Variants in CTIF observed in about 807,000 individuals in gnomAD.
The protein encoded by CTIF is CBP80/20-dependent translation initiation factor.
A neutral mutation model predicts 66.0 loss-of-function variants in CTIF; 21 were observed. The ratio of observed to expected loss-of-function variants is 0.32; its 90% CI spans 0.23 to 0.46. The LOEUF (loss-of-function observed/expected upper bound fraction) is 0.46, where lower values mean the gene tolerates loss of function less well. Ranked by LOEUF, CTIF falls within the 20% of genes least tolerant of loss-of-function variation. The probability of loss-of-function intolerance (pLI) is 1.00; values close to 1 mark genes in which losing one functional copy is unlikely to be tolerated. For missense variants in CTIF, 739 were observed against 812.7 expected, an observed-to-expected ratio of 0.91 and a Z score of 1.10; for synonymous variants, 345 against 326.4, an observed-to-expected ratio of 1.06 and a Z score of -0.62.
chr18:48,684,072 T>TA (rs2091793976), intron 6 of CTIF, among the ~76,000 whole-genome samples: 1 of 152,184 alleles, frequency 6.6e-6, no homozygotes, highest in Non-Finnish European at 1.5e-5. Flanking sequence ...TTGGAGCAAA[T>TA]GACCTCAGTA....
intron 7 of CTIF, among the ~76,000 whole-genome samples, chr18:48,747,062 T>A (rs181726992): frequency 2.9e-4 from 44 of 152,174 alleles, no homozygotes; most frequent in Admixed American, 2.0e-3. Context: ...TTATGTTGCT[T>A]TGTGGCTACC....
chr18:48,577,761 G>C (rs1340465640), intron 1 of CTIF, among the ~76,000 whole-genome samples: 8 of 152,168 alleles, frequency 5.3e-5, no homozygotes, highest in Admixed American at 5.2e-4. Flanking sequence ...TTTTTGTAGA[G>C]AAGGCATTTC....
chr18:48,710,459 T>C (rs1435904026), intron 6 of CTIF, among the ~76,000 whole-genome samples: 1 of 152,148 alleles, frequency 6.6e-6, no homozygotes, highest in Admixed American at 6.5e-5. Context: ...CAAGCCTTGG[T>C]ACCCCCTACT....
chr18:48,798,349 C>T (rs1156543106), intron 9 of CTIF, among the ~76,000 whole-genome samples: 1 of 152,204 alleles, frequency 6.6e-6, no homozygotes, highest in Non-Finnish European at 1.5e-5. Context: ...CTGTCAGTTC[C>T]AGAGCCCGGG....
chr18:48,623,491 C>G (rs1326776257), intron 2 of CTIF, among the ~76,000 whole-genome samples: 1 of 151,254 alleles, frequency 6.6e-6, no homozygotes, highest in African/African-American at 2.4e-5. Flanking sequence ...AAAAAATTCT[C>G]TATTAACACA....
At chr18:48,724,101 C>A (rs560302162) in intron 7 of CTIF, among the ~76,000 whole-genome samples, 1 of 152,324 alleles carries the variant, frequency 6.6e-6, no homozygotes, top group South Asian at 2.1e-4. Flanking sequence ...TGTCTCTAAG[C>A]ACCTGCAGGG....
intron 1 of CTIF, among the ~76,000 whole-genome samples, chr18:48,605,088 T>A (rs1342117507): frequency 6.6e-6 from 1 of 152,248 alleles, no homozygotes; most frequent in Non-Finnish European, 1.5e-5. Flanking sequence ...TAAAAACATT[T>A]GTGTGCAAGT....
intron 7 of CTIF, among the ~76,000 whole-genome samples, chr18:48,731,199 CCA>C (rs1459324996): frequency 6.6e-6 from 1 of 152,058 alleles, no homozygotes; most frequent in Non-Finnish European, 1.5e-5. Context: ...GGTTTAAAAC[CCA>C]CAAGGGAGGA....
At chr18:48,631,482 C>T (rs1347206444) in intron 2 of CTIF, among the ~76,000 whole-genome samples, 1 of 152,132 alleles carries the variant, frequency 6.6e-6, no homozygotes, top group Non-Finnish European at 1.5e-5. Context: ...GACAAACAAA[C>T]AATAAAACAC....
At chr18:48,827,085 G>A (rs2068596660) in intron 10 of CTIF, among the ~76,000 whole-genome samples, 1 of 152,114 alleles carries the variant, frequency 6.6e-6, no homozygotes, top group Admixed American at 6.5e-5. Flanking sequence ...TAAAGAGAGG[G>A]CCCGATGAGC....
At chr18:48,635,734 G>T (rs1350951068) in intron 2 of CTIF, among the ~76,000 whole-genome samples, 4 of 152,116 alleles carry the variant, frequency 2.6e-5, no homozygotes, top group African/African-American at 9.7e-5. Flanking sequence ...TCATATACCT[G>T]GATAGCATTT....
At chr18:48,612,793 C>G (rs1008536271) in intron 1 of CTIF, among the ~76,000 whole-genome samples, 2 of 152,118 alleles carry the variant, frequency 1.3e-5, no homozygotes, top group Admixed American at 6.5e-5. Context: ...CCCCTGCAGC[C>G]CCACCTGGGC....
At chr18:48,750,218 TC>T (rs1176416475) in intron 7 of CTIF, among the ~76,000 whole-genome samples, 2 of 152,322 alleles carry the variant, frequency 1.3e-5, no homozygotes, top group Admixed American at 1.3e-4. Flanking sequence ...GGGGTTGGTC[TC>T]CCCATTCTGC....
chr18:48,749,681 T>G (rs557401628), intron 7 of CTIF, among the ~76,000 whole-genome samples: 37 of 152,374 alleles, frequency 2.4e-4, no homozygotes, highest in African/African-American at 8.4e-4. Context: ...GTGTTCTATT[T>G]GTTCCCATTT....
At chr18:48,646,811 T>C (rs1287165346) in intron 3 of CTIF, among the ~76,000 whole-genome samples, 1 of 142,520 alleles carries the variant, frequency 7.0e-6, no homozygotes, top group African/African-American at 2.6e-5. Context: ...CGTCCAATGC[T>C]GGTGAGAATG....
chr18:48,665,853 A>C (rs1023214634), intron 5 of CTIF, among the ~76,000 whole-genome samples: 11 of 152,138 alleles, frequency 7.2e-5, no homozygotes, highest in African/African-American at 2.4e-4. Context: ...GATATACCAC[A>C]ATTTGTTTAC....
In CTIF at chr18:48,859,713, A is replaced by C. The variant is rs544196455; in HGVS notation, c.*154A>C. ...GTGGCCAGTCTGGAGCCAGACGGGG[A>C]AGGGAGCAAATCCCTGAGAGGAGTG... On this transcript the variant is annotated 3_prime_UTR_variant, in exon 12 of 12. Coordinates refer to ENST00000256413, the MANE Select transcript of CTIF (RefSeq NM_014772.3). 49 of 731,816 alleles carry C rather than the reference A, an allele frequency of 6.7e-5. No individual in the cohort carries two copies. In the African/African-American group the frequency reaches 7.1e-4, roughly 11 times the overall value. The allele number at this position is 731,816 out of a possible 1,614,324, so 45.3% of individuals were successfully genotyped here.
intron 10 of CTIF, among the ~76,000 whole-genome samples, chr18:48,836,027 C>T (rs1275008777): frequency 6.6e-6 from 1 of 152,128 alleles, no homozygotes; most frequent in Non-Finnish European, 1.5e-5. Flanking sequence ...TCCCCATGGC[C>T]CCAGGCCCTC....
At chr18:48,574,761 G>A (rs536687051) in intron 1 of CTIF, among the ~76,000 whole-genome samples, 2 of 130,722 alleles carry the variant, frequency 1.5e-5, no homozygotes, top group South Asian at 2.6e-4. Flanking sequence ...TCCCCTAGGA[G>A]TGTGGTGTGA....
Sources: allele counts gnomAD v4.1 joint callset (sites outside exome capture counted in the v4.1 genomes callset), GRCh38; gene constraint gnomAD v4.1.1; transcripts MANE v1.5; gene names NCBI Gene and HGNC (gene_info 2026-07-23, HGNC 2026-07-21).